The following KIRREL3 variants were observed in gnomAD, a reference collection of about 807,000 sequenced individuals.
The protein encoded by KIRREL3 is kin of IRRE-like protein 3.
KIRREL3 carries 36 observed loss-of-function variants against 89.7 expected under a neutral mutation model. The ratio of observed to expected loss-of-function variants is 0.40; its 90% CI spans 0.31 to 0.53. KIRREL3 has a LOEUF of 0.53. Ranked by LOEUF, KIRREL3 falls within the 20% of genes least tolerant of loss-of-function variation. The pLI is 0.49. For synonymous variants in KIRREL3, 445 were observed against 441.4 expected (o/e 1.01, Z -0.10); for missense variants, 864 against 1,056.6 (o/e 0.82, Z 2.53).
rs908381557 is a variant in KIRREL3 at position 126,491,651 on chromosome 11, G to A, written c.434-18185C>T. 5.3e-5 allele frequency among the ~76,000 whole-genome samples: 8 copies of A among 151,998 alleles called. No homozygotes were observed. Among genetic ancestry groups the A allele is most frequent in the Admixed American group, 2.6e-4 (4 of 15,260 alleles). On this transcript the variant is annotated intron_variant, in intron 4 of 16. Transcript: ENST00000525144. The surrounding 1 kb of genome is among the most constrained non-coding windows in gnomAD (Gnocchi z 5.5). ...CATGCCCAAAGCAGCCAAGATTACC[G>A]TTTCTTTGTGCTCCCCACACACAGA...
At chr11:126,979,617 T>G (rs1949669568) in intron 1 of KIRREL3, among the ~76,000 whole-genome samples, 1 of 152,168 alleles carries the variant, frequency 6.6e-6, no homozygotes, top group Non-Finnish European at 1.5e-5. Flanking sequence ...TTGGCTCTAT[T>G]ATCCACTAGA....
intron 1 of KIRREL3, among the ~76,000 whole-genome samples, chr11:126,798,265 C>T (rs1950876373): frequency 6.6e-6 from 1 of 152,172 alleles, no homozygotes; most frequent in African/African-American, 2.4e-5. Context: ...CACACTGATT[C>T]TTCCTTTTCT....
intron 1 of KIRREL3, among the ~76,000 whole-genome samples, chr11:126,901,402 T>C (rs984496756): frequency 1.3e-5 from 2 of 152,012 alleles, no homozygotes; most frequent in African/African-American, 2.4e-5. Flanking sequence ...GAGCAGGGGG[T>C]TTCTTGGAGA....
chr11:126,718,203 G>C (rs1465115294), intron 1 of KIRREL3, among the ~76,000 whole-genome samples: 1 of 152,120 alleles, frequency 6.6e-6, no homozygotes, highest in Non-Finnish European at 1.5e-5. Flanking sequence ...TCTGCCTCAG[G>C]CTCAGGCAGG....
chr11:126,878,175 C>T (rs1387753084), intron 1 of KIRREL3, among the ~76,000 whole-genome samples: 2 of 152,168 alleles, frequency 1.3e-5, no homozygotes, highest in East Asian at 1.9e-4. Flanking sequence ...ATTCTGTCTT[C>T]AGATTGAACA....
rs75754385 is a variant in KIRREL3, at chr11:126,531,182, C to A, written c.134-4495G>T. Among the ~76,000 whole-genome samples, 20,301 of 152,144 alleles carry A rather than the reference C, an allele frequency of 0.13. 1,570 individuals are homozygous for A. The highest frequency in any genetic ancestry group is 0.17 in the Admixed American group (2,657 of 15,294). On this transcript the variant is annotated intron_variant, in intron 2 of 16. Coordinates refer to ENST00000525144, the MANE Select transcript of KIRREL3 (RefSeq NM_032531.4). This position sits in a 1 kb window ranked among gnomAD's most constrained non-coding sequence, Gnocchi z 4.7. ...ACTGAGCCTAGCCCAGCAGGCTGTA[C>A]ATCTCTCAGACTTCCCCTTTCCTCT...
rs1363789224 is a variant in KIRREL3, at chr11:126,682,865, G to A, written c.56-119953C>T. On this transcript the variant is annotated intron_variant, in intron 1 of 16. Transcript: ENST00000525144. This position sits in a 1 kb window ranked among gnomAD's most constrained non-coding sequence, Gnocchi z 4.8. ...AACAGGCTGAGGACCGGTACCCCGG[G>A]GCTGGGGATCCCTGTTCTATGAGGA... Among the ~76,000 whole-genome samples, 1 of 152,124 alleles carries A rather than the reference G, an allele frequency of 6.6e-6. No individual in the cohort carries two copies. The highest frequency in any genetic ancestry group is 2.4e-5 in the African/African-American group (1 of 41,412).
rs1950044705 is a variant in KIRREL3 at position 126,991,940 on chromosome 11, C to T, written c.55+8515G>A. Among the ~76,000 whole-genome samples, 1 of 152,182 alleles carries T rather than the reference C, an allele frequency of 6.6e-6. No individual in the cohort carries two copies. The highest frequency in any genetic ancestry group is 2.4e-5 in the African/African-American group (1 of 41,444). ...AATGACTTTAGTCAAGCAAAGTAAC[C>T]TCTCTGGGGGTATGACAGCAATAAT... On this transcript the variant is annotated intron_variant, in intron 1 of 16. Coordinates refer to ENST00000525144, the MANE Select transcript of KIRREL3 (RefSeq NM_032531.4). The surrounding 1 kb of genome is among the most constrained non-coding windows in gnomAD (Gnocchi z 5.8).
At chr11:126,533,216 G>A (rs551598633) in intron 2 of KIRREL3, among the ~76,000 whole-genome samples, 7 of 152,264 alleles carry the variant, frequency 4.6e-5, no homozygotes, top group South Asian at 4.1e-4. Flanking sequence ...TCACACCTAC[G>A]TGAAGATGAG....
chr11:126,432,452 G>A lies in KIRREL3; in HGVS notation c.1589-926C>T, dbSNP rs1482844880. ...TCCATCAGGAATAGAACTAGAGAAT[G>A]CTGGGGCAGGGAGAGCTTGGGGCTC... On this transcript the variant is annotated intron_variant, in intron 13 of 16. Coordinates refer to ENST00000525144, the MANE Select transcript of KIRREL3 (RefSeq NM_032531.4). The surrounding 1 kb of genome is among the most constrained non-coding windows in gnomAD (Gnocchi z 6.2). Among the ~76,000 whole-genome samples, 1 of 152,170 alleles carries A rather than the reference G, an allele frequency of 6.6e-6. No individual in the cohort carries two copies. Among genetic ancestry groups the A allele is most frequent in the Non-Finnish European group, 1.5e-5 (1 of 68,024 alleles).
At position 126,435,433 on chromosome 11, in the gene KIRREL3, A is replaced by C. The variant is rs917427111; in HGVS notation, c.1553-130T>G. 1.4e-5 allele frequency: 12 copies of C among 888,712 alleles called. No individual in the cohort carries two copies. The African/African-American group carries it at 2.0e-4, about 15-fold the overall frequency. 55.1% of individuals were successfully genotyped at this position (888,712 alleles called of 1,614,324 possible). ...CCCAGTCATGTCTCTGGGACCCCCC[A>C]ACAGATCCAGGCTAGCCCAGCTGAA... On this transcript the variant is annotated intron_variant, in intron 12 of 16. Transcript: ENST00000525144.
chr11:126,564,567 A>T lies in KIRREL3; in HGVS notation c.56-1655T>A, dbSNP rs2134595528. Among the ~76,000 whole-genome samples, 1 of 152,310 alleles carries T rather than the reference A, an allele frequency of 6.6e-6. No homozygotes were observed. Among genetic ancestry groups the T allele is most frequent in the South Asian group, 2.1e-4 (1 of 4,824 alleles). ...TCCTTCCCCTCCACACTGGCGTCTG[A>T]AGGCTTAGCCAAACCGCCCTCACTT... On this transcript the variant is annotated intron_variant, in intron 1 of 16. Coordinates refer to ENST00000525144, the MANE Select transcript of KIRREL3 (RefSeq NM_032531.4). This position sits in a 1 kb window ranked among gnomAD's most constrained non-coding sequence, Gnocchi z 7.4.
At chr11:126,886,754 G>T (rs978711449) in intron 1 of KIRREL3, among the ~76,000 whole-genome samples, 1 of 152,122 alleles carries the variant, frequency 6.6e-6, no homozygotes. Context: ...CTTGACTGGG[G>T]AATGACAGTC....
chr11:126,479,394 G>C (rs1467219582), intron 4 of KIRREL3, among the ~76,000 whole-genome samples: 1 of 152,150 alleles, frequency 6.6e-6, no homozygotes, highest in African/African-American at 2.4e-5. Flanking sequence ...AGCCATACAC[G>C]GCCTGCCATC....
At chr11:126,524,705 G>A (rs182006302) in intron 3 of KIRREL3, among the ~76,000 whole-genome samples, 1 of 152,306 alleles carries the variant, frequency 6.6e-6, no homozygotes, top group Non-Finnish European at 1.5e-5. Flanking sequence ...GGCCACATGG[G>A]TACAGTAGGA....
At chr11:126,737,592 C>G (rs1441700475) in intron 1 of KIRREL3, among the ~76,000 whole-genome samples, 1 of 152,144 alleles carries the variant, frequency 6.6e-6, no homozygotes, top group Non-Finnish European at 1.5e-5. Context: ...AATACCCGTG[C>G]TGGATAAAGT....
chr11:126,688,731 C>A (rs529112397), intron 1 of KIRREL3, among the ~76,000 whole-genome samples: 1 of 152,142 alleles, frequency 6.6e-6, no homozygotes, highest in South Asian at 2.1e-4. Flanking sequence ...TTTTATAAGC[C>A]CTGTTGCTGT....
At chr11:126,820,199 TA>T (rs1229980152) in intron 1 of KIRREL3, among the ~76,000 whole-genome samples, 2 of 152,128 alleles carry the variant, frequency 1.3e-5, no homozygotes, top group African/African-American at 4.8e-5. Flanking sequence ...GCACATAGTT[TA>T]GAGAGAATGC....
At chr11:126,450,143 G>A (rs1000970509) in intron 7 of KIRREL3, among the ~76,000 whole-genome samples, 6 of 152,202 alleles carry the variant, frequency 3.9e-5, no homozygotes, top group Admixed American at 2.6e-4. Flanking sequence ...GGGTGTATGT[G>A]TATACACATG....
Sources: allele counts gnomAD v4.1 joint callset (sites outside exome capture counted in the v4.1 genomes callset), GRCh38; gene constraint gnomAD v4.1.1; non-coding constraint Gnocchi (gnomAD v3.1); transcripts MANE v1.5; gene names NCBI Gene and HGNC (gene_info 2026-07-23, HGNC 2026-07-21).